GDA: variants seen among roughly 807,000 people sequenced by gnomAD.
GDA encodes cytoplasmic PSD-95 interactor.
In GDA, 18 loss-of-function variants were observed where a neutral mutation model predicts 59.6. The observed-to-expected ratio is 0.30, with a 90% confidence interval of 0.21 to 0.45. The LOEUF is 0.45. Among genes scored for constraint, GDA ranks in the 20% least tolerant of loss-of-function variants. The probability of loss-of-function intolerance (pLI) is 1.00; values close to 1 mark genes in which losing one functional copy is unlikely to be tolerated. For synonymous variants in GDA, 201 were observed against 201.1 expected, an observed-to-expected ratio of 1.00 and a Z score of 0.00; for missense variants, 427 against 552.3, an observed-to-expected ratio of 0.77 and a Z score of 2.27.
chr9:72,176,481 A>G (rs2131017240), intron 1 of GDA, among the ~76,000 whole-genome samples: 1 of 152,312 alleles, frequency 6.6e-6, no homozygotes, highest in South Asian at 2.1e-4. Context: ...TTAGAACACC[A>G]CATGGGTGTT....
chr9:72,229,356 C>G (rs1002043878), intron 9 of GDA, among the ~76,000 whole-genome samples: 1 of 151,534 alleles, frequency 6.6e-6, no homozygotes, highest in Non-Finnish European at 1.5e-5. Context: ...ATCTCAAAAA[C>G]AAAACAAAAC....
chr9:72,165,152 T>G (rs896414380), intron 1 of GDA, among the ~76,000 whole-genome samples: 2 of 152,226 alleles, frequency 1.3e-5, no homozygotes, highest in Non-Finnish European at 2.9e-5. Context: ...TTCCCAGCCT[T>G]CCTGTATTGT....
In GDA at chr9:72,242,204, G is replaced by A. The variant is rs1461904100; in HGVS notation, c.1135+906G>A. On this transcript the variant is annotated intron_variant, in intron 11 of 13. Coordinates refer to ENST00000358399, the MANE Select transcript of GDA (RefSeq NM_004293.5). ...TCTTACCTTCTGCCCTTCCACTACA[G>A]TATCTTCCTGTATAAATCCCTGCCA... Among the ~76,000 whole-genome samples the A allele has an allele frequency of 2.6e-5, 4 of 152,208 alleles. No individual in the cohort carries two copies. The East Asian group carries it at 7.7e-4, about 29-fold the overall frequency.
intron 8 of GDA, 71 bp downstream of exon 8, chr9:72,225,855 T>C (rs1837491485): frequency 4.5e-6 from 3 of 669,368 alleles, no homozygotes; most frequent in Admixed American, 5.3e-5. Flanking sequence ...ATCTCAATAG[T>C]AATCTTCAGA....
upstream of GDA, among the ~76,000 whole-genome samples, chr9:72,148,918 C>G (rs1826818333): frequency 6.6e-6 from 1 of 152,090 alleles, no homozygotes. Flanking sequence ...AACACAAGAA[C>G]CAAAAACATT....
chr9:72,168,253 A>G (rs1441871511), intron 1 of GDA, among the ~76,000 whole-genome samples: 1 of 151,882 alleles, frequency 6.6e-6, no homozygotes, highest in East Asian at 1.9e-4. Context: ...AAAAAACACG[A>G]GCTGGGCATA....
intron 10 of GDA, among the ~76,000 whole-genome samples, chr9:72,231,715 T>G (rs1436013388): frequency 6.6e-6 from 1 of 152,240 alleles, no homozygotes; most frequent in Non-Finnish European, 1.5e-5. Context: ...TAAAAAGTCC[T>G]TGACTTTTGT....
chr9:72,177,560 G>A (rs1352431402), intron 1 of GDA, among the ~76,000 whole-genome samples: 3 of 151,472 alleles, frequency 2.0e-5, no homozygotes, highest in Non-Finnish European at 4.4e-5. Context: ...AAATACAGAG[G>A]ATTAAAATAC....
upstream of GDA, among the ~76,000 whole-genome samples, chr9:72,148,309 ATGTGTGTGTGTGTG>A (rs58161772): frequency 1.0e-3 from 147 of 145,944 alleles, 1 homozygote; most frequent in Middle Eastern, 0.011. Context: ...TGGTGTGTGT[ATGTGTGTGTGTGTG>A]TGTGTGTGTG....
chr9:72,191,795 C>A (rs1267098966), intron 1 of GDA, among the ~76,000 whole-genome samples: 1 of 152,120 alleles, frequency 6.6e-6, no homozygotes, highest in Non-Finnish European at 1.5e-5. Context: ...ACCATGTTGA[C>A]CAGGCTGGCC....
chr9:72,214,545 C>T (rs1014203964), intron 5 of GDA, among the ~76,000 whole-genome samples: 2 of 151,972 alleles, frequency 1.3e-5, no homozygotes, highest in Admixed American at 6.6e-5. Flanking sequence ...CTGCCCGCCT[C>T]GGCCTCCCAA....
intron 1 of GDA, among the ~76,000 whole-genome samples, chr9:72,191,680 G>A (rs1216104420): frequency 6.6e-6 from 1 of 152,066 alleles, no homozygotes; most frequent in Non-Finnish European, 1.5e-5. Context: ...CCACCTCCTG[G>A]GTTCAAGTGA....
At chr9:72,241,047 A>AT in intron 10 of GDA, 105 bp from the exon 11 acceptor site, 3 of 716,258 alleles carry the variant, frequency 4.2e-6, no homozygotes, top group Non-Finnish European at 6.5e-6. Flanking sequence ...TTTTTAAAAA[A>AT]AGTATATTAA....
At chr9:72,258,265 A>C (rs560063996), downstream of GDA, among the ~76,000 whole-genome samples, 1 of 152,044 alleles carries the variant, frequency 6.6e-6, no homozygotes, top group South Asian at 2.1e-4. Flanking sequence ...GTGAGCTGTG[A>C]TCATGCCACT....
At chr9:72,131,548 G>A (rs1055540345) in intron 1 of GDA, among the ~76,000 whole-genome samples, 1 of 152,008 alleles carries the variant, frequency 6.6e-6, no homozygotes, top group Admixed American at 6.6e-5. Flanking sequence ...ATGAGATTTG[G>A]AAGGGACAAT....
At position 72,241,274 on chromosome 9, in the gene GDA, C is replaced by G; in HGVS notation, c.1111C>G (p.Leu371Val). The G allele has an allele frequency of 6.2e-7, 1 of 1,604,422 alleles. No individual in the cohort carries two copies. Among genetic ancestry groups the G allele is most frequent in the Non-Finnish European group, 8.5e-7 (1 of 1,172,768 alleles). The stretch of plus-strand genomic sequence containing the variant: ...CCTCACCCTCAAAGAAGTCTTCAGA[C>G]TAGCTACTCTTGGAGGAAGCCAAGG... ...KSLTLKEVFR[L>V]ATLGGSQALG... Residue 371 changes from leucine (L) to valine (V), a missense_variant, in exon 11 of 14, where the codon CTA (leucine) becomes GTA (valine). Coordinates refer to ENST00000358399, the MANE Select transcript of GDA (RefSeq NM_004293.5).
chr9:72,189,562 C>T (rs568072027), intron 1 of GDA, among the ~76,000 whole-genome samples: 10 of 152,054 alleles, frequency 6.6e-5, no homozygotes, highest in Non-Finnish European at 1.2e-4. Context: ...TATTTTAGGC[C>T]AAATACAGTG....
intron 1 of GDA, among the ~76,000 whole-genome samples, chr9:72,174,552 C>A (rs1210232073): frequency 6.6e-6 from 1 of 152,090 alleles, no homozygotes; most frequent in Non-Finnish European, 1.5e-5. Flanking sequence ...TGTATGGAAC[C>A]ACTGTCATAT....
At chr9:72,125,740 T>G (rs1825824052) in intron 1 of GDA, among the ~76,000 whole-genome samples, 1 of 152,128 alleles carries the variant, frequency 6.6e-6, no homozygotes, top group South Asian at 2.1e-4. Context: ...CTTCTAAAAT[T>G]GAATGAGTCT....
Sources: allele counts gnomAD v4.1 joint callset (sites outside exome capture counted in the v4.1 genomes callset), GRCh38; gene constraint gnomAD v4.1.1; transcripts MANE v1.5; gene names NCBI Gene and HGNC (gene_info 2026-07-23, HGNC 2026-07-21).